GPHN: variants seen among roughly 807,000 people sequenced by gnomAD.
GPHN encodes the protein gephyrin.
A neutral mutation model predicts 95.5 loss-of-function variants in GPHN; 17 were observed. The ratio of observed to expected loss-of-function variants is 0.18; its 90% CI spans 0.12 to 0.27. The LOEUF is 0.27. GPHN is among the 10% of genes least tolerant of loss of function. GPHN has a pLI of 1.00. For missense variants in GPHN, 660 were observed against 978.1 expected (o/e 0.67, Z 4.34); for synonymous variants, 320 against 322.5 (o/e 0.99, Z 0.08).
At chr14:66,572,912 T>C (rs7147351) in intron 1 of GPHN, among the ~76,000 whole-genome samples, 47,297 of 152,046 alleles carry the variant, frequency 0.31, 11,186 homozygotes, top group African/African-American at 0.64. Context: ...ATGGTCTTTA[T>C]TGTGTTGTGG....
At position 66,706,993 on chromosome 14, in the gene GPHN, G is replaced by A. The variant is rs545858891; in HGVS notation, c.143+25808G>A. Among the ~76,000 whole-genome samples the A allele has an allele frequency of 1.3e-4, 19 of 151,220 alleles. No individual in the cohort carries two copies. The South Asian group carries it at 4.0e-3, about 32-fold the overall frequency. On this transcript the variant is annotated intron_variant, in intron 2 of 22. Coordinates refer to ENST00000478722, the MANE Select transcript of GPHN (RefSeq NM_020806.5). ...AACATACAACCCCATCAAAAAGTGGGCAAAGGATATTAACAGACACTTCTC... is the reference window on the plus strand; with the variant it reads ...AACATACAACCCCATCAAAAAGTGGACAAAGGATATTAACAGACACTTCTC...
chr14:67,619,899 C>A, the GPHN span: 15 of 980,746 alleles, frequency 1.5e-5, no homozygotes, highest in Admixed American at 1.6e-4. Flanking sequence ...TAGGTAAGAG[C>A]AGCGGCGGGC....
chr14:67,665,685 T>C, the GPHN span, among the ~76,000 whole-genome samples: 3 of 152,224 alleles, frequency 2.0e-5, no homozygotes, highest in South Asian at 4.1e-4. Context: ...TACTGTGCCA[T>C]AGATCCTAGA....
chr14:66,760,397 G>T (rs1004902282), intron 2 of GPHN: 1 of 158,392 alleles, frequency 6.3e-6, no homozygotes, highest in Non-Finnish European at 1.4e-5. Context: ...TGCACGCTTT[G>T]TATATTGTAA....
At chr14:67,636,137 C>T in the GPHN span, among the ~76,000 whole-genome samples, 2 of 152,104 alleles carry the variant, frequency 1.3e-5, no homozygotes, top group African/African-American at 2.4e-5. Context: ...CAATGGGTTG[C>T]CTGTGGCTCA....
intron 3 of GPHN, among the ~76,000 whole-genome samples, chr14:66,815,529 A>G (rs1006611431): frequency 3.3e-5 from 5 of 152,168 alleles, no homozygotes; most frequent in African/African-American, 1.2e-4. Context: ...CTTAAAAAGA[A>G]TTCCAATCCA....
the GPHN span, among the ~76,000 whole-genome samples, chr14:67,672,122 CAT>C: frequency 7.6e-6 from 1 of 130,798 alleles, no homozygotes; most frequent in Non-Finnish European, 1.8e-5. Flanking sequence ...ATGCAGTCTA[CAT>C]TTTTTTTTTT....
chr14:67,593,117 A>G, the GPHN span: 123,353 of 166,042 alleles, frequency 0.74, 46,770 homozygotes, highest in Middle Eastern at 0.83. Flanking sequence ...AAGGCTCAAC[A>G]CTTTTTCACA....
rs576847093 is a variant in GPHN at position 67,089,324 on chromosome 14, C to T, written c.1237+249C>T. On this transcript the variant is annotated intron_variant, in intron 12 of 22. Coordinates refer to ENST00000478722, the MANE Select transcript of GPHN (RefSeq NM_020806.5). ...TAAAGAAAAGTTACATGAAAATTCT[C>T]GTTTTAAATTTTTTATTTTTAATAT... 2.2e-4 allele frequency among the ~76,000 whole-genome samples: 33 copies of T among 151,310 alleles called. No homozygotes were observed. In the South Asian group the frequency reaches 5.8e-3, roughly 27 times the overall value.
chr14:66,729,612 T>A (rs1356739607), intron 2 of GPHN, among the ~76,000 whole-genome samples: 2 of 152,212 alleles, frequency 1.3e-5, no homozygotes, highest in Non-Finnish European at 2.9e-5. Flanking sequence ...AGTTTCACAA[T>A]TACATAAAAT....
the GPHN span, among the ~76,000 whole-genome samples, chr14:67,701,526 T>A: frequency 2.0e-5 from 3 of 147,726 alleles, no homozygotes; most frequent in Admixed American, 2.1e-4. Context: ...CAGGTTCAAG[T>A]GATTCTCCCG....
chr14:67,709,992 A>G, the GPHN span, among the ~76,000 whole-genome samples: 1 of 152,226 alleles, frequency 6.6e-6, no homozygotes, highest in African/African-American at 2.4e-5. Context: ...CTAATCAGAA[A>G]CTCAAAAGAA....
chr14:66,733,277 C>A (rs2071960665), intron 2 of GPHN, among the ~76,000 whole-genome samples: 1 of 151,960 alleles, frequency 6.6e-6, no homozygotes, highest in Non-Finnish European at 1.5e-5. Context: ...GCTTCCCCAA[C>A]CATGCGGAAA....
chr14:66,512,276 G>C (rs542668482), intron 1 of GPHN, among the ~76,000 whole-genome samples: 9 of 151,838 alleles, frequency 5.9e-5, no homozygotes, highest in African/African-American at 2.2e-4. Context: ...TTTCTATTTT[G>C]AAAGAAGCTG....
chr14:67,404,065 G>T, the GPHN span, among the ~76,000 whole-genome samples: 1 of 151,398 alleles, frequency 6.6e-6, no homozygotes, highest in African/African-American at 2.4e-5. Context: ...ATTTTTGAAA[G>T]AAAATAATAT....
the GPHN span, among the ~76,000 whole-genome samples, chr14:67,672,739 T>G: frequency 1.3e-5 from 2 of 151,954 alleles, no homozygotes; most frequent in Non-Finnish European, 2.9e-5. Context: ...CACCGTACCC[T>G]GCCTGCAGTC....
At chr14:67,062,265 G>A (rs898921515) in intron 11 of GPHN, among the ~76,000 whole-genome samples, 3 of 152,174 alleles carry the variant, frequency 2.0e-5, no homozygotes, top group African/African-American at 7.2e-5. Flanking sequence ...TCAGCTAGAT[G>A]TACCTCTAAA....
the GPHN span, chr14:67,294,895 A>T: frequency 1.3e-5 from 2 of 151,960 alleles, no homozygotes; most frequent in African/African-American, 4.8e-5. Context: ...GATGGTCTTG[A>T]TCTCCTGACC....
At chr14:67,645,828 G>A in the GPHN span, 3 of 1,611,524 alleles carry the variant, frequency 1.9e-6, no homozygotes, top group Non-Finnish European at 1.7e-6. Flanking sequence ...CGAAAAGAAA[G>A]GTGAATGGCT....
Sources: allele counts gnomAD v4.1 joint callset (sites outside exome capture counted in the v4.1 genomes callset), GRCh38; gene constraint gnomAD v4.1.1; transcripts MANE v1.5; gene names NCBI Gene and HGNC (gene_info 2026-07-23, HGNC 2026-07-21).